The following SLC2A9 variants were observed in gnomAD, a reference collection of about 807,000 sequenced individuals.
The protein encoded by SLC2A9 is solute carrier family 2, facilitated glucose transporter member 9.
Under a neutral mutation model 50.6 loss-of-function variants are expected in SLC2A9, and 39 were observed. The observed-to-expected ratio is 0.77, with a 90% confidence interval of 0.60 to 1.01. The LOEUF (loss-of-function observed/expected upper bound fraction) is 1.01. SLC2A9 is among the 50% of genes least tolerant of loss of function. The pLI is 0.00. For synonymous variants in SLC2A9, 324 were observed against 276.9 expected, an observed-to-expected ratio of 1.17 and a Z score of -1.69; for missense variants, 686 against 677.6, an observed-to-expected ratio of 1.01 and a Z score of -0.14.
chr4:9,922,649 C>T (rs1204196349), intron 6 of SLC2A9, among the ~76,000 whole-genome samples: 1 of 152,222 alleles, frequency 6.6e-6, no homozygotes, highest in East Asian at 1.9e-4. Context: ...TCCTGCAATG[C>T]ATGAGTTTCT....
chr4:9,777,865 C>T (rs79649124), downstream of SLC2A9, among the ~76,000 whole-genome samples: 78 of 152,292 alleles, frequency 5.1e-4, 1 homozygote, highest in East Asian at 8.9e-3. Context: ...CTCAGTAAGT[C>T]TTTCTGGAGA....
downstream of SLC2A9, among the ~76,000 whole-genome samples, chr4:9,777,256 C>T (rs1361544045): frequency 6.7e-6 from 1 of 150,056 alleles, no homozygotes; most frequent in Non-Finnish European, 1.5e-5. Context: ...CAATCTTGTG[C>T]TAATTAGAAA....
intron 6 of SLC2A9, 72 bp from the exon 7 acceptor site, chr4:9,920,644 A>C: frequency 6.3e-7 from 1 of 1,584,856 alleles, no homozygotes. Flanking sequence ...TGGGCCCTGC[A>C]GGGACGGGTC....
At chr4:9,966,629 G>A (rs1753098746) in intron 5 of SLC2A9, among the ~76,000 whole-genome samples, 1 of 152,172 alleles carries the variant, frequency 6.6e-6, no homozygotes, top group Non-Finnish European at 1.5e-5. Flanking sequence ...TCCAGCCTTG[G>A]CGATGGAGTA....
chr4:10,022,337 C>A (rs150052752), upstream of SLC2A9, among the ~76,000 whole-genome samples: 1 of 152,188 alleles, frequency 6.6e-6, no homozygotes, highest in Non-Finnish European at 1.5e-5. Context: ...AGAACAAAGG[C>A]GAGGGCTGTG....
chr4:9,829,941 G>GA (rs1301588010), intron 11 of SLC2A9, among the ~76,000 whole-genome samples: 3 of 152,206 alleles, frequency 2.0e-5, no homozygotes, highest in African/African-American at 2.4e-5. Flanking sequence ...CAATCATTGT[G>GA]AAAAACAGCA....
chr4:9,798,122 G>A (rs1267238746), downstream of SLC2A9, among the ~76,000 whole-genome samples: 3 of 152,184 alleles, frequency 2.0e-5, no homozygotes, highest in Non-Finnish European at 4.4e-5. Flanking sequence ...GTCAGGATGG[G>A]TCTGGTGCAA....
chr4:10,023,483 A>G (rs1451850495), upstream of SLC2A9, among the ~76,000 whole-genome samples: 1 of 152,176 alleles, frequency 6.6e-6, no homozygotes, highest in Non-Finnish European at 1.5e-5. Context: ...TAAAGCTCAA[A>G]TTGGATCAGG....
intron 2 of SLC2A9, chr4:10,009,459 T>C (rs1484459588): frequency 6.6e-6 from 1 of 152,250 alleles, no homozygotes; most frequent in African/African-American, 2.4e-5. Flanking sequence ...TTTATTATCA[T>C]TTGTTTATCT....
At chr4:10,027,599 G>T (rs1260786088) in intron 1 of SLC2A9, among the ~76,000 whole-genome samples, 1 of 152,028 alleles carries the variant, frequency 6.6e-6, no homozygotes, top group Non-Finnish European at 1.5e-5. Context: ...GTGCGGTGGT[G>T]CCATGGAGCT....
At chr4:9,799,699 CCCCA>C (rs1037665453) in intron 3 of SLC2A9, among the ~76,000 whole-genome samples, 18 of 76,758 alleles carry the variant, frequency 2.3e-4, no homozygotes, top group African/African-American at 5.6e-4. Context: ...TGTACCCCCC[CCCCA>C]CCCAACTTCT....
At chr4:9,836,387 C>T (rs1727117780) in intron 10 of SLC2A9, among the ~76,000 whole-genome samples, 1 of 152,018 alleles carries the variant, frequency 6.6e-6, no homozygotes, top group Non-Finnish European at 1.5e-5. Context: ...GGAGGAGATG[C>T]ACTGTCTATT....
chr4:9,826,681 G>T lies in SLC2A9; in HGVS notation c.1420-81C>A. 9 of 1,311,540 alleles carry T rather than the reference G, an allele frequency of 6.9e-6. No homozygotes were observed. The South Asian group carries it at 1.1e-4, about 16-fold the overall frequency. The allele number at this position is 1,311,540 out of a possible 1,614,324, so 81.2% of individuals were successfully genotyped here. A position where few individuals can be genotyped will look rare whatever the true frequency, so the allele number is the denominator to read the frequency against. ...AAACCATCTCTACACAGATTTTTAA[G>T]ATAGCTCCACATTCATATACCAATA... On this transcript the variant is annotated intron_variant, in intron 11 of 11. Coordinates refer to ENST00000264784, the MANE Select transcript of SLC2A9 (RefSeq NM_020041.3).
chr4:9,790,114 GTGGGATT>G (rs1283442103), intron 3 of SLC2A9, among the ~76,000 whole-genome samples: 1 of 152,256 alleles, frequency 6.6e-6, no homozygotes, highest in African/African-American at 2.4e-5. Context: ...AGTGATAGAA[GTGGGATT>G]TGAAGAGCAT....
Position 9,879,965 on chromosome 4 carries a change from C to G in SLC2A9, c.1291+7602G>C, listed in dbSNP as rs570906456. The G allele has an allele frequency of 1.8e-4, 173 of 985,456 alleles. No homozygotes were observed. The South Asian group carries it at 7.2e-3, about 41-fold the overall frequency. The allele number at this position is 985,456 out of a possible 1,614,324, so 61.0% of individuals were successfully genotyped here. ...AACTCCTTGTCAAGTCTTCTTACAT[C>G]GACCTGTTCCTCACAGAAGCTGCCT... On this transcript the variant is annotated intron_variant, in intron 10 of 11. Coordinates refer to ENST00000264784, the MANE Select transcript of SLC2A9 (RefSeq NM_020041.3).
At chr4:9,883,340 T>A (rs962962151) in intron 10 of SLC2A9, among the ~76,000 whole-genome samples, 1 of 152,218 alleles carries the variant, frequency 6.6e-6, no homozygotes, top group Non-Finnish European at 1.5e-5. Flanking sequence ...TAGAGGTGAA[T>A]TTCTTATGTT....
intron 4 of SLC2A9, among the ~76,000 whole-genome samples, chr4:9,983,697 G>C (rs1292874940): frequency 6.6e-6 from 1 of 152,220 alleles, no homozygotes; most frequent in East Asian, 1.9e-4. Flanking sequence ...TGAAAGCACA[G>C]GAAAATGGTT....
At chr4:9,807,426 C>T (rs1006420396) in intron 3 of SLC2A9, among the ~76,000 whole-genome samples, 1 of 152,216 alleles carries the variant, frequency 6.6e-6, no homozygotes, top group African/African-American at 2.4e-5. Flanking sequence ...CCTGCTAATC[C>T]TAGGCCAGAT....
At chr4:9,925,449 A>G (rs1044226556) in intron 6 of SLC2A9, among the ~76,000 whole-genome samples, 12 of 152,126 alleles carry the variant, frequency 7.9e-5, no homozygotes, top group Non-Finnish European at 1.3e-4. Flanking sequence ...GTTACTGTGG[A>G]AAGGGGTGGG....
Sources: gnomAD v4.1 joint callset for allele counts (sites outside exome capture counted in the v4.1 genomes callset) on GRCh38, gnomAD v4.1.1 for gene constraint, MANE v1.5 for transcripts, NCBI Gene and HGNC (gene_info 2026-07-23, HGNC 2026-07-21) for gene names.